Variants in DIDO1 observed in about 807,000 individuals in gnomAD.
DIDO1 encodes the protein death inducer-obliterator 1.
DIDO1 carries 16 observed loss-of-function variants against 99.4 expected under a neutral mutation model. That is an observed-to-expected ratio of 0.16 (90% CI 0.11 to 0.24). The LOEUF (loss-of-function observed/expected upper bound fraction) is 0.24, where lower values mean the gene tolerates loss of function less well. Ranked by LOEUF, DIDO1 falls within the 10% of genes least tolerant of loss-of-function variation. DIDO1 has a pLI of 1.00. For missense variants in DIDO1, 2,996 were observed against 3,014.0 expected (o/e 0.99, Z 0.14); for synonymous variants, 1,366 against 1,239.1 (o/e 1.10, Z -2.15).
intron 6 of DIDO1, among the ~76,000 whole-genome samples, chr20:62,904,610 G>A (rs969044400): frequency 4.6e-5 from 7 of 151,724 alleles, no homozygotes; most frequent in Admixed American, 3.9e-4. Context: ...GTGAAACCCC[G>A]TCTCTACTAA....
In DIDO1 at chr20:62,880,008, G is replaced by C; in HGVS notation, c.5948C>G (p.Ala1983Gly). 6.2e-7 allele frequency: 1 copy of C among 1,611,900 alleles called. No homozygotes were observed. The highest frequency in any genetic ancestry group is 1.1e-5 in the South Asian group (1 of 91,086). Residue 1983 changes from alanine to glycine, a missense_variant, in exon 16 of 16, where the codon GCG becomes GGG. This residue lies in a region of DIDO1 where 1,562 missense variants were observed against 1,412.6 expected (regional missense o/e 1.11). Transcript: ENST00000395343. ...HSPPRFTNQR[A>G]PAPLQFGGLR... ...TCCACCAAACTGCAGGGGTGCAGGC[G>C]CCCTTTGGTTTGTGAATCTTGGTGG...
intron 6 of DIDO1, chr20:62,904,969 A>AG: frequency 1.0e-6 from 1 of 985,100 alleles, no homozygotes; most frequent in Non-Finnish European, 1.2e-6. Context: ...TTTTAAAAAA[A>AG]GCACAAAATG....
At chr20:62,898,463 C>A (rs1398469370) in intron 6 of DIDO1, among the ~76,000 whole-genome samples, 1 of 152,120 alleles carries the variant, frequency 6.6e-6, no homozygotes, top group Non-Finnish European at 1.5e-5. Context: ...TTAACAGATA[C>A]CCCAACTTTC....
intron 5 of DIDO1, among the ~76,000 whole-genome samples, 184 bp downstream of exon 5, chr20:62,906,963 C>T (rs567524623): frequency 6.6e-6 from 1 of 152,358 alleles, no homozygotes; most frequent in East Asian, 1.9e-4. Context: ...GTTAATTAAC[C>T]CCTCAGCTAA....
At chr20:62,897,719 C>A (rs2064568531) in intron 6 of DIDO1, among the ~76,000 whole-genome samples, 1 of 152,224 alleles carries the variant, frequency 6.6e-6, no homozygotes, top group Non-Finnish European at 1.5e-5. Flanking sequence ...CCTCAACTTG[C>A]ACAAAAAGCT....
chr20:62,915,903 AG>A (rs1418578586), intron 1 of DIDO1, among the ~76,000 whole-genome samples: 2 of 152,240 alleles, frequency 1.3e-5, no homozygotes, highest in Non-Finnish European at 2.9e-5. Flanking sequence ...ACTAGATTTG[AG>A]TTCTGAGTAA....
intron 1 of DIDO1, among the ~76,000 whole-genome samples, chr20:62,933,575 TGAGTA>T (rs766773190): frequency 6.6e-6 from 1 of 152,182 alleles, no homozygotes; most frequent in Non-Finnish European, 1.5e-5. Flanking sequence ...TTCTATGATT[TGAGTA>T]AAGGAAGCAC....
At chr20:62,905,734 T>C in intron 6 of DIDO1, 153 bp downstream of exon 6, 1 of 1,607,168 alleles carries the variant, frequency 6.2e-7, no homozygotes, top group Non-Finnish European at 8.5e-7. Context: ...GGAGGCATCC[T>C]GGACATGGGC....
Position 62,893,938 on chromosome 20 carries a change from C to T in DIDO1, c.2829G>A (p.Leu943=), listed in dbSNP as rs1047613757. 3 of 1,612,138 alleles carry T rather than the reference C, an allele frequency of 1.9e-6. No individual in the cohort carries two copies. Among genetic ancestry groups the T allele is most frequent in the Non-Finnish European group, 2.5e-6 (3 of 1,178,448 alleles). Residue 943 remains leucine (L), a synonymous_variant, in exon 12 of 16, where the codon CTG becomes CTA. Coordinates refer to ENST00000395343, the MANE Select transcript of DIDO1 (RefSeq NM_001193369.2). ...PGDGHPEPSP[L]EDLSPCPASC... ...AGGCTGGGCAGGGGGACAGGTCTTCCAGCGGGGAGGGCTCGGGATGGCCAT... is the reference window on the plus strand; with the variant it reads ...AGGCTGGGCAGGGGGACAGGTCTTCTAGCGGGGAGGGCTCGGGATGGCCAT...
chr20:62,889,921 C>T (rs1009237511), intron 15 of DIDO1: 4 of 985,468 alleles, frequency 4.1e-6, no homozygotes, highest in Non-Finnish European at 4.8e-6. Context: ...AGGCTGAGCC[C>T]ACTCCAGCTG....
chr20:62,897,923 C>T (rs546294405), intron 6 of DIDO1, among the ~76,000 whole-genome samples: 1 of 152,298 alleles, frequency 6.6e-6, no homozygotes, highest in South Asian at 2.1e-4. Flanking sequence ...ATAGGGGGCC[C>T]CCATGAGGGC....
rs374489637 is a variant in DIDO1 at position 62,911,487 on chromosome 20, G to A, written c.126C>T (p.Asp42=). Residue 42 remains aspartate, a synonymous_variant, in exon 3 of 16, where the codon GAC becomes GAT. Transcript: ENST00000395343. The surrounding 1 kb of genome is among the most constrained non-coding windows in gnomAD (Gnocchi z 7.0). ...TTIAKREGAG[D]AEADPLEPPP... ...GCGGCTCCAGTGGGTCAGCCTCCGC[G>A]TCCCCTGCGCCCTCTCGCTTGGCGA... 118 of 1,612,604 alleles carry A rather than the reference G, an allele frequency of 7.3e-5. No homozygotes were observed. The Middle Eastern group carries it at 3.8e-3, about 52-fold the overall frequency.
Position 62,906,050 on chromosome 20 carries a change from T to C in DIDO1, c.1425A>G (p.Lys475=). 6.2e-7 allele frequency: 1 copy of C among 1,613,186 alleles called. No homozygotes were observed. The highest frequency in any genetic ancestry group is 8.5e-7 in the Non-Finnish European group (1 of 1,179,876). The change falls in exon 6 of 16, where the codon AAA becomes AAG. Residue 475 remains lysine (K), a synonymous_variant. Transcript: ENST00000395343. ...CCACTGCCTTCTTCACTGTGGTCTC[T>C]TTTTTTTCTGGAGCTGGTCTCTTGT... is the stretch of plus-strand genomic sequence containing the variant. ...SVHKRPAPEK[K]ETTVKKAVVV...
In DIDO1 at chr20:62,896,564, A is replaced by G; in HGVS notation, c.2021T>C (p.Ile674Thr). 6.3e-7 allele frequency: 1 copy of G among 1,595,378 alleles called. No homozygotes were observed. The highest frequency in any genetic ancestry group is 8.5e-7 in the Non-Finnish European group (1 of 1,171,530). The change falls in exon 7 of 16, where the codon ATC (isoleucine) becomes ACC (threonine). Residue 674 changes from isoleucine to threonine, a missense_variant. Physicochemically the swap from Ile to Thr is moderately conservative, Grantham distance 89. Coordinates refer to ENST00000395343, the MANE Select transcript of DIDO1 (RefSeq NM_001193369.2). The surrounding 1 kb of genome is among the most constrained non-coding windows in gnomAD (Gnocchi z 4.4). Reference sequence around the variant, plus strand: ...CAAAATCTCTTTTAAGGAGCGTCTGATATTTTGCCGAATTTGTGAATTTGG... The same window carrying G: ...CAAAATCTCTTTTAAGGAGCGTCTGGTATTTTGCCGAATTTGTGAATTTGG... ...SQPNSQIRQNIRRSLKEILWK... is the reference protein window; with the variant it reads ...SQPNSQIRQNTRRSLKEILWK...
At chr20:62,908,331 C>T (rs1052751688) in intron 4 of DIDO1, among the ~76,000 whole-genome samples, 9 of 152,124 alleles carry the variant, frequency 5.9e-5, no homozygotes, top group African/African-American at 1.9e-4. Context: ...GAAGGGAATC[C>T]CCTGCCAAGC....
Position 62,879,706 on chromosome 20 carries a change from C to T in DIDO1, c.6250G>A (p.Glu2084Lys), listed in dbSNP as rs2147339728. 1.2e-6 allele frequency: 2 copies of T among 1,611,366 alleles called. No individual in the cohort carries two copies. The highest frequency in any genetic ancestry group is 1.7e-6 in the Non-Finnish European group (2 of 1,179,820). The change falls in exon 16 of 16, where the codon GAA becomes AAA. Residue 2084 changes from glutamate to lysine, a missense_variant. Glu to Lys is a moderately conservative substitution (Grantham distance 56, BLOSUM62 1). Transcript: ENST00000395343. This position sits in a 1 kb window ranked among gnomAD's most constrained non-coding sequence, Gnocchi z 6.3. ...TCAAACCGCTCTCTCTGCCTCCCTT[C>T]GAAAGTCTGGTTTCTGTATTCGTGG... ...KGHEYRNQTF[E>K]GRQRERFDVG...
intron 1 of DIDO1, among the ~76,000 whole-genome samples, chr20:62,923,335 C>G (rs1488974901): frequency 1.3e-5 from 2 of 152,114 alleles, no homozygotes; most frequent in Non-Finnish European, 2.9e-5. Context: ...ACCACCACAC[C>G]CAGCTAATTT....
chr20:62,924,929 T>C (rs187999910), intron 1 of DIDO1, among the ~76,000 whole-genome samples: 1 of 152,344 alleles, frequency 6.6e-6, no homozygotes, highest in East Asian at 1.9e-4. Context: ...AGGTATCTTA[T>C]GAAACTTGCT....
chr20:62,906,039 A>C lies in DIDO1; in HGVS notation c.1436T>G (p.Val479Gly). ...CGCAGGGACCACCACTGCCTTCTTC[A>C]CTGTGGTCTCTTTTTTTTCTGGAGC... is the stretch of plus-strand genomic sequence containing the variant. The part of the protein sequence containing the change: ...RPAPEKKETT[V>G]KKAVVVPARS... The change falls in exon 6 of 16, where the codon GTG becomes GGG. Residue 479 changes from valine to glycine, a missense_variant. Physicochemically the swap from Val to Gly is moderately radical, Grantham distance 109 (BLOSUM62 -3). Around this residue, in one of 5 missense-constraint regions of DIDO1, gnomAD observed 898 missense variants for 972.7 expected, o/e 0.92. Transcript: ENST00000395343. 6.2e-7 allele frequency: 1 copy of C among 1,613,744 alleles called. No homozygotes were observed. Among genetic ancestry groups the C allele is most frequent in the Non-Finnish European group, 8.5e-7 (1 of 1,180,006 alleles).
Sources: allele counts gnomAD v4.1 joint callset (sites outside exome capture counted in the v4.1 genomes callset), GRCh38; gene constraint gnomAD v4.1.1; regional missense constraint gnomAD v4.1.1; non-coding constraint Gnocchi (gnomAD v3.1); transcripts MANE v1.5; gene names NCBI Gene and HGNC (gene_info 2026-07-23, HGNC 2026-07-21).